Variants in PTDSS1 observed in about 807,000 individuals in gnomAD.
The protein encoded by PTDSS1 is PSS-1.
Under a neutral mutation model 70.5 loss-of-function variants are expected in PTDSS1, and 45 were observed. That is an observed-to-expected ratio of 0.64 (90% CI 0.50 to 0.82). PTDSS1 has a LOEUF of 0.82. PTDSS1 is among the 40% of genes least tolerant of loss of function. The probability of loss-of-function intolerance (pLI) is 0.00; values close to 1 mark genes in which losing one functional copy is unlikely to be tolerated. For synonymous variants in PTDSS1, 188 were observed against 203.8 expected, an observed-to-expected ratio of 0.92 and a Z score of 0.66; for missense variants, 417 against 586.1, an observed-to-expected ratio of 0.71 and a Z score of 2.98.
Position 96,335,338 on chromosome 8 carries a change from T to C in PTDSS1, c.*1772T>C, listed in dbSNP as rs1023183392. 1 of 152,258 alleles carries C rather than the reference T, an allele frequency of 6.6e-6. No homozygotes were observed. Among genetic ancestry groups the C allele is most frequent in the Admixed American group, 6.5e-5 (1 of 15,290 alleles). 9.4% of individuals were successfully genotyped at this position (152,258 alleles called of 1,614,324 possible). A position where few individuals can be genotyped will look rare whatever the true frequency, so the allele number is the denominator to read the frequency against. On this transcript the variant is annotated 3_prime_UTR_variant, in exon 13 of 13. Transcript: ENST00000517309. ...TTTGTTTCATCCTGTGTTCTGCTTT[T>C]CTAAGCATGACATACTTGTGCCCAT...
chr8:96,270,000 T>A (rs1284826336), intron 1 of PTDSS1, among the ~76,000 whole-genome samples: 1 of 152,160 alleles, frequency 6.6e-6, no homozygotes, highest in Non-Finnish European at 1.5e-5. Flanking sequence ...CACACAACCC[T>A]ATGAGGTAGA....
chr8:96,333,882 G>A lies in PTDSS1; in HGVS notation c.*316G>A. The A allele has an allele frequency of 1.6e-6, 1 of 619,950 alleles. No homozygotes were observed. 38.4% of individuals were successfully genotyped at this position (619,950 alleles called of 1,614,324 possible). On this transcript the variant is annotated 3_prime_UTR_variant, in exon 13 of 13. Transcript: ENST00000517309. ...ATTCACAGTTGCCAAGAGCAGCTCC[G>A]CGCCTGCTGGATCGTGGATGCAGCG...
rs1318967780 is a variant in PTDSS1, at chr8:96,336,994, T to G, written c.*3428T>G. Reference sequence around the variant, plus strand: ...ACCTGGGCGACAGAGCGAGACTATCTCAAAAAAAAAAAAAAAAAAAAAAAA... The same window carrying G: ...ACCTGGGCGACAGAGCGAGACTATCGCAAAAAAAAAAAAAAAAAAAAAAAA... On this transcript the variant is annotated 3_prime_UTR_variant, in exon 13 of 13. Coordinates refer to ENST00000517309, the MANE Select transcript of PTDSS1 (RefSeq NM_014754.3). 2.2e-5 allele frequency: 1 copy of G among 44,806 alleles called. No homozygotes were observed. Among genetic ancestry groups the G allele is most frequent in the Non-Finnish European group, 3.6e-5 (1 of 28,148 alleles). 2.8% of individuals were successfully genotyped at this position (44,806 alleles called of 1,614,324 possible).
chr8:96,281,384 A>C (rs1810734092), intron 2 of PTDSS1, among the ~76,000 whole-genome samples: 1 of 152,140 alleles, frequency 6.6e-6, no homozygotes, highest in Admixed American at 6.5e-5. Flanking sequence ...TCAAACCTAG[A>C]CTGGGTTTTG....
At chr8:96,324,274 G>A (rs1811409691) in intron 10 of PTDSS1, among the ~76,000 whole-genome samples, 1 of 152,088 alleles carries the variant, frequency 6.6e-6, no homozygotes. Context: ...CACCCGTAAT[G>A]CTCCCTTTAC....
intron 10 of PTDSS1, among the ~76,000 whole-genome samples, chr8:96,325,104 G>A (rs750083155): frequency 1.3e-5 from 2 of 152,288 alleles, no homozygotes; most frequent in Non-Finnish European, 2.9e-5. Flanking sequence ...GCACTGTCAT[G>A]AATTCCACAT....
chr8:96,281,380 C>A (rs1363143843), intron 2 of PTDSS1, among the ~76,000 whole-genome samples: 1 of 152,130 alleles, frequency 6.6e-6, no homozygotes, highest in African/African-American at 2.4e-5. Context: ...GAAATCAAAC[C>A]TAGACTGGGT....
At chr8:96,281,679 C>T (rs1022938935) in intron 2 of PTDSS1, among the ~76,000 whole-genome samples, 12 of 152,262 alleles carry the variant, frequency 7.9e-5, no homozygotes, top group Admixed American at 2.6e-4. Flanking sequence ...AACCAGTCCG[C>T]GCTCAACCCT....
intron 1 of PTDSS1, among the ~76,000 whole-genome samples, chr8:96,266,571 C>T (rs1810490811): frequency 6.6e-6 from 1 of 152,216 alleles, no homozygotes; most frequent in African/African-American, 2.4e-5. Flanking sequence ...TCCCCTGATA[C>T]TGCTGATTCA....
In PTDSS1 at chr8:96,330,302, A is replaced by G. The variant is rs200553943; in HGVS notation, c.1242+21A>G. On this transcript the variant is annotated intron_variant, in intron 11 of 12. Transcript: ENST00000517309. The stretch of plus-strand genomic sequence containing the variant: ...AAAAGGTATGGAAGGAGAGGCAGGC[A>G]TGGCCATTGTTTAAAATAATCACCC... The G allele has an allele frequency of 1.9e-5, 31 of 1,595,668 alleles. No homozygotes were observed. In the East Asian group the frequency reaches 3.1e-4, roughly 16 times the overall value.
At chr8:96,315,948 C>T (rs1811282247) in intron 9 of PTDSS1, among the ~76,000 whole-genome samples, 1 of 152,224 alleles carries the variant, frequency 6.6e-6, no homozygotes, top group African/African-American at 2.4e-5. Flanking sequence ...TGTGTTCTCA[C>T]ACTGGCAGGC....
At position 96,262,190 on chromosome 8, in the gene PTDSS1, C is replaced by G; in HGVS notation, c.150C>G (p.Ile50Met). 1 of 1,612,354 alleles carries G rather than the reference C, an allele frequency of 6.2e-7. No individual in the cohort carries two copies. The highest frequency in any genetic ancestry group is 8.5e-7 in the Non-Finnish European group (1 of 1,178,894). The change falls in exon 1 of 13, where the codon ATC becomes ATG. Residue 50 changes from isoleucine (I) to methionine (M), a missense_variant. By Grantham distance (10) the Ile-to-Met change is conservative. Transcript: ENST00000517309. This position sits in a 1 kb window ranked among gnomAD's most constrained non-coding sequence, Gnocchi z 4.4. ...CCATCACCCTGCTCAGCTTCACCATCGTCAGCCTCATGTACTTCGCCTTTA... is the reference window on the plus strand; with the variant it reads ...CCATCACCCTGCTCAGCTTCACCATGGTCAGCCTCATGTACTTCGCCTTTA... ...PHTITLLSFT[I>M]VSLMYFAFTR... is the part of the protein sequence containing the mutation.
intron 2 of PTDSS1, 136 bp from the exon 3 acceptor site, chr8:96,283,973 T>C (rs1291958406): frequency 7.9e-6 from 5 of 629,134 alleles, no homozygotes; most frequent in Admixed American, 3.1e-5. Flanking sequence ...AAAGTGTTTA[T>C]GTAGAAAAAA....
intron 4 of PTDSS1, 88 bp from the exon 5 acceptor site, chr8:96,295,010 T>C: frequency 7.7e-7 from 1 of 1,297,342 alleles, no homozygotes; most frequent in African/African-American, 1.5e-5. Context: ...GTCAAGTTCA[T>C]ATCTATTCTT....
chr8:96,333,627 A>T lies in PTDSS1; in HGVS notation c.*61A>T. 6.7e-7 allele frequency: 1 copy of T among 1,496,386 alleles called. No homozygotes were observed. The highest frequency in any genetic ancestry group is 1.1e-5 in the South Asian group (1 of 88,636). The allele number at this position is 1,496,386 out of a possible 1,614,324, so 92.7% of individuals were successfully genotyped here. A position where few individuals can be genotyped will look rare whatever the true frequency, so the allele number is the denominator to read the frequency against. On this transcript the variant is annotated 3_prime_UTR_variant, in exon 13 of 13. Transcript: ENST00000517309. ...TAGAACTGAGAGGGAAATGGAACTC[A>T]TTTGGAACTCCCCGTGAGGAGGTCG... is the stretch of plus-strand genomic sequence containing the variant.
chr8:96,311,921 C>G (rs1388288680), intron 9 of PTDSS1, among the ~76,000 whole-genome samples: 2 of 152,194 alleles, frequency 1.3e-5, no homozygotes, highest in Non-Finnish European at 2.9e-5. Flanking sequence ...CTTTCCTTTT[C>G]CTGCATTTGA....
In PTDSS1 at chr8:96,333,558, A is replaced by G. The variant is rs374099167; in HGVS notation, c.1414A>G (p.Lys472Glu). 120 of 1,605,314 alleles carry G rather than the reference A, an allele frequency of 7.5e-5. No homozygotes were observed. Among genetic ancestry groups the G allele is most frequent in the Non-Finnish European group, 9.5e-5 (111 of 1,172,042 alleles). The change falls in exon 13 of 13, where the codon AAG becomes GAG. Residue 472 changes from lysine to glutamate, a missense_variant. Transcript: ENST00000517309. ...SKSKVTNGVG[K>E]K ...GTCAAAAGTCACCAATGGCGTTGGA[A>G]AGAAATGAAAAACCCTGGTTAATCA...
intron 8 of PTDSS1, among the ~76,000 whole-genome samples, chr8:96,308,039 A>G (rs1408843041): frequency 6.6e-6 from 1 of 152,196 alleles, no homozygotes; most frequent in Non-Finnish European, 1.5e-5. Flanking sequence ...AGTTACTCGG[A>G]AAGATGGATG....
intron 1 of PTDSS1, among the ~76,000 whole-genome samples, chr8:96,265,984 T>C (rs1810480515): frequency 6.6e-6 from 1 of 152,270 alleles, no homozygotes; most frequent in African/African-American, 2.4e-5. Context: ...CTTAGAAGTT[T>C]GTTAGCAAAG....
Sources: allele counts gnomAD v4.1 joint callset (sites outside exome capture counted in the v4.1 genomes callset), GRCh38; gene constraint gnomAD v4.1.1; non-coding constraint Gnocchi (gnomAD v3.1); transcripts MANE v1.5; gene names NCBI Gene and HGNC (gene_info 2026-07-23, HGNC 2026-07-21).